Variants in TNC observed in about 807,000 individuals in gnomAD.
TNC encodes the protein tenascin.
Under a neutral mutation model 202.4 loss-of-function variants are expected in TNC, and 109 were observed. The observed-to-expected ratio is 0.54, with a 90% confidence interval of 0.46 to 0.63. The LOEUF is 0.63. Ranked by LOEUF, TNC falls within the 30% of genes least tolerant of loss-of-function variation. TNC has a pLI of 0.00. For missense variants in TNC, 2,756 were observed against 2,833.3 expected (o/e 0.97, Z 0.62); for synonymous variants, 1,007 against 1,089.7 (o/e 0.92, Z 1.50).
intron 1 of TNC, among the ~76,000 whole-genome samples, 178 bp downstream of exon 1, chr9:115,117,804 G>T (rs1033448099): frequency 5.9e-5 from 9 of 151,950 alleles, no homozygotes; most frequent in African/African-American, 2.2e-4. Flanking sequence ...AAAATTACAA[G>T]ACCAGAAAAG....
intron 6 of TNC, among the ~76,000 whole-genome samples, chr9:115,079,547 G>T (rs1269311533): frequency 1.3e-5 from 2 of 152,146 alleles, no homozygotes; most frequent in Non-Finnish European, 2.9e-5. Flanking sequence ...TTTCCGTCAA[G>T]GACACTGATA....
At chr9:115,089,513 T>C (rs893489707) in intron 2 of TNC, among the ~76,000 whole-genome samples, 1 of 152,138 alleles carries the variant, frequency 6.6e-6, no homozygotes, top group Non-Finnish European at 1.5e-5. Flanking sequence ...TATCTCTTTT[T>C]TTTTCGGATG....
intron 27 of TNC, among the ~76,000 whole-genome samples, chr9:115,021,883 T>A (rs1360486976): frequency 6.6e-6 from 1 of 152,094 alleles, no homozygotes; most frequent in African/African-American, 2.4e-5. Context: ...CCTTGAAAGA[T>A]GAGATGAAGA....
At chr9:115,048,095 T>C (rs1831346407) in intron 16 of TNC, among the ~76,000 whole-genome samples, 165 bp downstream of exon 16, 1 of 152,050 alleles carries the variant, frequency 6.6e-6, no homozygotes, top group Admixed American at 6.6e-5. Context: ...GTTCATTAAG[T>C]ACATATGACA....
intron 17 of TNC, among the ~76,000 whole-genome samples, chr9:115,043,050 GGA>G (rs1830890035): frequency 6.6e-6 from 1 of 152,134 alleles, no homozygotes; most frequent in Non-Finnish European, 1.5e-5. Context: ...ATGCCCAGGG[GGA>G]GTTTCTGCCT....
At chr9:115,114,129 C>T (rs980963626) in intron 1 of TNC, among the ~76,000 whole-genome samples, 1 of 152,140 alleles carries the variant, frequency 6.6e-6, no homozygotes, top group East Asian at 1.9e-4. Context: ...TCATGTCACA[C>T]TTTGAGGGGG....
chr9:115,086,074 A>C lies in TNC; in HGVS notation c.1657T>G (p.Phe553Val). Residue 553 changes from phenylalanine (F) to valine (V), a missense_variant, in exon 3 of 28, where the codon TTT (phenylalanine) becomes GTT (valine). Transcript: ENST00000350763. The part of the protein sequence containing the change: ...VNGQCVCHEG[F>V]MGKDCKEQRC... ...TGCTCCTTGCAGTCTTTGCCCATAA[A>C]TCCTTCATGGCACACGCACTGCCCA... The C allele has an allele frequency of 6.2e-7, 1 of 1,614,156 alleles. No individual in the cohort carries two copies. Among genetic ancestry groups the C allele is most frequent in the Non-Finnish European group, 8.5e-7 (1 of 1,179,974 alleles).
chr9:115,041,821 A>G (rs1830779616), intron 18 of TNC, among the ~76,000 whole-genome samples: 1 of 152,224 alleles, frequency 6.6e-6, no homozygotes, highest in Non-Finnish European at 1.5e-5. Context: ...ACAGCTTGCC[A>G]TCATTTGCTG....
At chr9:115,028,924 G>GGA (rs1829722208) in intron 25 of TNC, among the ~76,000 whole-genome samples, 1 of 63,944 alleles carries the variant, frequency 1.6e-5, no homozygotes, top group Non-Finnish European at 2.6e-5. Context: ...CATTATCTCT[G>GGA]AAAAAAAAAA....
intron 9 of TNC, among the ~76,000 whole-genome samples, 165 bp from the exon 10 acceptor site, chr9:115,074,031 A>G (rs777296135): frequency 9.2e-5 from 14 of 152,208 alleles, no homozygotes; most frequent in Non-Finnish European, 1.5e-4. Context: ...CTTTTGTAAA[A>G]TAGGTCTAAT....
rs781555294 is a variant in TNC at position 115,023,940 on chromosome 9, T to C, written c.6495+33A>G. On this transcript the variant is annotated intron_variant, in intron 27 of 27. Transcript: ENST00000350763. ...ATTAGCCCCCTCCAGCTTCCCAAGC[T>C]TGGCCTGCTCTGGGCCCTCACGGTC... 1.9e-6 allele frequency: 3 copies of C among 1,599,472 alleles called. No homozygotes were observed. The East Asian group carries it at 6.8e-5, about 36-fold the overall frequency.
intron 26 of TNC, among the ~76,000 whole-genome samples, chr9:115,025,232 T>C (rs774898661): frequency 3.3e-5 from 5 of 152,198 alleles, no homozygotes; most frequent in African/African-American, 4.8e-5. Context: ...CCTGAAGCCA[T>C]CTCAACCAAA....
chr9:115,072,478 A>G (rs1833536936), intron 10 of TNC, among the ~76,000 whole-genome samples: 1 of 152,270 alleles, frequency 6.6e-6, no homozygotes, highest in South Asian at 2.1e-4. Context: ...AGATATTGTG[A>G]GAAAGACTCT....
rs1829048510 is a variant in TNC, at chr9:115,021,284, AGAG to A, written c.6496-20_6496-18del. 3 of 887,886 alleles carry A rather than the reference AGAG, an allele frequency of 3.4e-6. No homozygotes were observed. The highest frequency in any genetic ancestry group is 4.6e-6 in the Non-Finnish European group (3 of 646,538). 55.0% of individuals were successfully genotyped at this position (887,886 alleles called of 1,614,324 possible). Reference sequence around the variant, plus strand: ...GTTAACGCCCTGTTAAAAAAAAAAAAGAGAGAGAGAGAGAGAGAGAGAAGGCCT... The same window carrying A: ...GTTAACGCCCTGTTAAAAAAAAAAAAAGAGAGAGAGAGAGAGAGAAGGCCT... On this transcript the variant is annotated intron_variant, in intron 27 of 27. Coordinates refer to ENST00000350763, the MANE Select transcript of TNC (RefSeq NM_002160.4).
intron 24 of TNC, among the ~76,000 whole-genome samples, chr9:115,029,881 C>T (rs186637108): frequency 3.5e-4 from 54 of 152,204 alleles, no homozygotes; most frequent in African/African-American, 1.2e-3. Flanking sequence ...GTAATGGGGT[C>T]GGAATAATTC....
At chr9:115,053,276 T>A (rs1310783374) in intron 15 of TNC, among the ~76,000 whole-genome samples, 4 of 152,356 alleles carry the variant, frequency 2.6e-5, no homozygotes, top group African/African-American at 9.6e-5. Context: ...AACACCACCA[T>A]TTGCTAGTCA....
intron 20 of TNC, among the ~76,000 whole-genome samples, 194 bp downstream of exon 20, chr9:115,038,067 T>C (rs548312445): frequency 6.6e-6 from 1 of 152,324 alleles, no homozygotes; most frequent in African/African-American, 2.4e-5. Flanking sequence ...TGTATTTTTA[T>C]TTTTATTTTA....
In TNC at chr9:115,020,032, T is replaced by C. The variant is rs548980383; in HGVS notation, c.*1125A>G. Reference sequence around the variant, plus strand: ...AGATGCTGAATCTCAAGTTGTAAGCTTTTTTTTTCTTTTCTTTTTTTATTT... The same window carrying C: ...AGATGCTGAATCTCAAGTTGTAAGCCTTTTTTTTCTTTTCTTTTTTTATTT... On this transcript the variant is annotated 3_prime_UTR_variant, in exon 28 of 28. Transcript: ENST00000350763. 1.1e-4 allele frequency: 17 copies of C among 151,134 alleles called. No individual in the cohort carries two copies. The highest frequency in any genetic ancestry group is 8.6e-4 in the Admixed American group (13 of 15,176). The allele number at this position is 151,134 out of a possible 1,614,324, so 9.4% of individuals were successfully genotyped here.
chr9:115,057,523 G>T, intron 14 of TNC, 98 bp from the exon 15 acceptor site: 2 of 1,255,148 alleles, frequency 1.6e-6, no homozygotes, highest in Non-Finnish European at 2.2e-6. Context: ...CCATTGCTGG[G>T]TAGAGAGATC....
Sources: gnomAD v4.1 joint callset for allele counts (sites outside exome capture counted in the v4.1 genomes callset) on GRCh38, gnomAD v4.1.1 for gene constraint, MANE v1.5 for transcripts, NCBI Gene and HGNC (gene_info 2026-07-23, HGNC 2026-07-21) for gene names.